ODAD2: variants seen among roughly 807,000 people sequenced by gnomAD.
ODAD2 encodes outer dynein arm docking complex subunit 2, also known as outer dynein arm-docking complex subunit 2.
ODAD2 carries 89 observed loss-of-function variants against 106.8 expected under a neutral mutation model. The ratio of observed to expected loss-of-function variants is 0.83; its 90% CI spans 0.70 to 0.99. The LOEUF (loss-of-function observed/expected upper bound fraction) is 0.99, where lower values mean the gene tolerates loss of function less well. Ranked by LOEUF, ODAD2 falls within the 50% of genes least tolerant of loss-of-function variation. The pLI is 0.00. For synonymous variants in ODAD2, 404 were observed against 436.2 expected (o/e 0.93, Z 0.92); for missense variants, 1,168 against 1,238.5 (o/e 0.94, Z 0.85).
At chr10:27,883,653 A>C (rs974334177) in intron 17 of ODAD2, among the ~76,000 whole-genome samples, 45 of 152,292 alleles carry the variant, frequency 3.0e-4, no homozygotes, top group African/African-American at 8.4e-4. Context: ...ACTATGCCCC[A>C]AAAAAGTTTG....
intron 17 of ODAD2, among the ~76,000 whole-genome samples, chr10:27,883,370 A>C (rs544947646): frequency 2.0e-5 from 3 of 152,334 alleles, no homozygotes; most frequent in Admixed American, 6.5e-5. Flanking sequence ...ATAACAAAAT[A>C]AACAATAGCA....
chr10:27,935,331 T>C, intron 15 of ODAD2, 79 bp from the exon 16 acceptor site: 1 of 1,519,808 alleles, frequency 6.6e-7, no homozygotes. Context: ...ATTCAATCCT[T>C]ACAACAACCC....
At chr10:27,935,841 C>CAT (rs768182225) in intron 15 of ODAD2, among the ~76,000 whole-genome samples, 491 of 150,580 alleles carry the variant, frequency 3.3e-3, no homozygotes, top group African/African-American at 0.011. Context: ...CATATGTATG[C>CAT]ATATATATAT....
chr10:27,837,665 G>A (rs1837997248), intron 19 of ODAD2, among the ~76,000 whole-genome samples: 2 of 152,134 alleles, frequency 1.3e-5, no homozygotes, highest in African/African-American at 4.8e-5. Context: ...AAATTTAAAC[G>A]TGGGTCATAA....
At chr10:27,993,518 C>T (rs981156882) in intron 2 of ODAD2, among the ~76,000 whole-genome samples, 5 of 151,766 alleles carry the variant, frequency 3.3e-5, no homozygotes, top group African/African-American at 7.3e-5. Flanking sequence ...GGCGTGGTGG[C>T]GGATGCCTAT....
intron 14 of ODAD2, among the ~76,000 whole-genome samples, chr10:27,938,216 G>C (rs1176113923): frequency 1.3e-5 from 2 of 152,148 alleles, no homozygotes; most frequent in African/African-American, 2.4e-5. Flanking sequence ...TGGGATTATA[G>C]GCTTGAGCCA....
At chr10:27,827,458 G>T (rs1173940465) in intron 19 of ODAD2, among the ~76,000 whole-genome samples, 1 of 149,502 alleles carries the variant, frequency 6.7e-6, no homozygotes, top group Non-Finnish European at 1.5e-5. Context: ...AAGCCATTGT[G>T]TCCCAAATGA....
chr10:27,821,588 G>A (rs1332777344), intron 19 of ODAD2, among the ~76,000 whole-genome samples: 3 of 152,190 alleles, frequency 2.0e-5, no homozygotes, highest in Non-Finnish European at 4.4e-5. Flanking sequence ...TGAATTTGAT[G>A]TGGAGCTAAT....
In ODAD2 at chr10:27,907,654, C is replaced by G. The variant is rs374705044; in HGVS notation, c.2610+9G>C. 6.3e-7 allele frequency: 1 copy of G among 1,594,986 alleles called. No individual in the cohort carries two copies. ...TTCTAGAAGAGACTGACTTGCAGTC[C>G]GTTCTTACCTTTGCATTTTTGATGC... On this transcript the variant is annotated intron_variant, in intron 17 of 19. Coordinates refer to ENST00000305242, the MANE Select transcript of ODAD2 (RefSeq NM_018076.5).
chr10:27,822,286 G>GTGA (rs1335647720), intron 19 of ODAD2, among the ~76,000 whole-genome samples: 1 of 152,208 alleles, frequency 6.6e-6, no homozygotes, highest in Non-Finnish European at 1.5e-5. Flanking sequence ...ACCAATTTGA[G>GTGA]TGATAACAGA....
chr10:27,884,157 T>C (rs1049211979), intron 17 of ODAD2, among the ~76,000 whole-genome samples: 3 of 152,046 alleles, frequency 2.0e-5, no homozygotes, highest in Middle Eastern at 3.2e-3. Context: ...ACAAAGAATC[T>C]TGAAAGTTGC....
intron 13 of ODAD2, among the ~76,000 whole-genome samples, chr10:27,940,315 GCA>G: frequency 6.6e-6 from 1 of 151,066 alleles, no homozygotes; most frequent in Non-Finnish European, 1.5e-5. Context: ...ATAAATGTCA[GCA>G]TATACGTGTG....
At position 27,915,982 on chromosome 10, in the gene ODAD2, T is replaced by A. The variant is rs1844342759; in HGVS notation, c.2496-8205A>T. Among the ~76,000 whole-genome samples the A allele has an allele frequency of 2.0e-5, 3 of 152,106 alleles. No homozygotes were observed. In the South Asian group the frequency reaches 6.2e-4, roughly 31 times the overall value. The stretch of plus-strand genomic sequence containing the variant: ...ATGGAGTGTTAGAGCACAAGAAGGA[T>A]GAAGAGAGAATCTCTCTAAGTGTAG... On this transcript the variant is annotated intron_variant, in intron 16 of 19. Coordinates refer to ENST00000305242, the MANE Select transcript of ODAD2 (RefSeq NM_018076.5).
At chr10:27,868,294 G>T (rs1319441683) in intron 17 of ODAD2, among the ~76,000 whole-genome samples, 1 of 152,102 alleles carries the variant, frequency 6.6e-6, no homozygotes, top group Non-Finnish European at 1.5e-5. Flanking sequence ...TCTAGAACCA[G>T]AAATAAAATT....
chr10:27,904,934 TG>T (rs1843476744), intron 17 of ODAD2: 1 of 152,220 alleles, frequency 6.6e-6, no homozygotes, highest in Non-Finnish European at 1.5e-5. Flanking sequence ...CTATTATACA[TG>T]GGTTTTTCTT....
intron 13 of ODAD2, 62 bp downstream of exon 13, chr10:27,940,501 C>T (rs996579178): frequency 6.9e-6 from 11 of 1,589,114 alleles, no homozygotes; most frequent in Admixed American, 3.4e-5. Flanking sequence ...ACCTTAGAAA[C>T]AACTTTTGGA....
At chr10:27,846,874 G>A (rs1025332858) in intron 19 of ODAD2, among the ~76,000 whole-genome samples, 1 of 151,914 alleles carries the variant, frequency 6.6e-6, no homozygotes, top group Non-Finnish European at 1.5e-5. Flanking sequence ...ACTAAACCAG[G>A]AAGAAGTTGA....
chr10:27,944,227 T>G lies in ODAD2; in HGVS notation c.1738A>C (p.Lys580Gln). Residue 580 changes from lysine to glutamine, a missense_variant, in exon 12 of 20, where the codon AAA (lysine) becomes CAA (glutamine). By Grantham distance (53) the Lys-to-Gln change is moderately conservative (BLOSUM62 1). Around this residue, in one of 3 missense-constraint regions of ODAD2, gnomAD observed 701 missense variants for 712.3 expected, o/e 0.98. Coordinates refer to ENST00000305242, the MANE Select transcript of ODAD2 (RefSeq NM_018076.5). Reference protein sequence around the residue: ...RVVRQHGGITKLVALLDCAHD... With the variant: ...RVVRQHGGITQLVALLDCAHD... ...ACAACATCACGGCTACTCACCAGTT[T>G]GGTGATACCCCCGTGCTGCCTCACC... 3 of 1,611,744 alleles carry G rather than the reference T, an allele frequency of 1.9e-6. No individual in the cohort carries two copies. Among genetic ancestry groups the G allele is most frequent in the Non-Finnish European group, 2.5e-6 (3 of 1,179,548 alleles).
At chr10:27,959,087 A>C in intron 10 of ODAD2, 1 of 1,122,992 alleles carries the variant, frequency 8.9e-7, no homozygotes, top group Admixed American at 2.8e-5. Flanking sequence ...CTGTAATCCC[A>C]GCACTTTGGG....
Sources: allele counts gnomAD v4.1 joint callset (sites outside exome capture counted in the v4.1 genomes callset), GRCh38; gene constraint gnomAD v4.1.1; regional missense constraint gnomAD v4.1.1; transcripts MANE v1.5; gene names NCBI Gene and HGNC (gene_info 2026-07-23, HGNC 2026-07-21).